NBPF9: variants seen among roughly 807,000 people sequenced by gnomAD.
NBPF9 encodes NBPF family member NBPF9.
In NBPF9, 91 loss-of-function variants were observed where a neutral mutation model predicts 97.8. The ratio of observed to expected loss-of-function variants is 0.93; its 90% CI spans 0.79 to 1.11. NBPF9 has a LOEUF of 1.11. Among genes scored for constraint, NBPF9 ranks in the 50% least tolerant of loss-of-function variants. The probability of loss-of-function intolerance (pLI) is 0.00; values close to 1 mark genes in which losing one functional copy is unlikely to be tolerated. For synonymous variants in NBPF9, 334 were observed against 359.5 expected (o/e 0.93, Z 0.80); for missense variants, 992 against 939.5 (o/e 1.06, Z -0.73).
chr1:149,069,924 C>A (rs1199953948), intron 16 of NBPF9, among the ~76,000 whole-genome samples: 1 of 127,478 alleles, frequency 7.8e-6, no homozygotes, highest in African/African-American at 3.1e-5. Context: ...AAAAAATCTC[C>A]AAAAATTGGT....
At chr1:149,065,991 C>T (rs2079019044) in intron 17 of NBPF9, 2 of 546,790 alleles carry the variant, frequency 3.7e-6, no homozygotes, top group South Asian at 2.1e-5. Flanking sequence ...TGACACAGGG[C>T]TTCAACTACT....
In NBPF9 at chr1:149,081,956, AG is replaced by A; in HGVS notation, c.175+8del. 6.4e-7 allele frequency: 1 copy of A among 1,552,880 alleles called. No individual in the cohort carries two copies. Among genetic ancestry groups the A allele is most frequent in the Non-Finnish European group, 8.8e-7 (1 of 1,135,406 alleles). On this transcript the variant is annotated splice_region_variant and intron_variant, in intron 7 of 29. Transcript: ENST00000584027. Reference sequence around the variant, plus strand: ...ATCACTTTCATGACGGTGAGCCTATAGATCTTACTGTATTTCTTCTGTCGGT... The same window carrying A: ...ATCACTTTCATGACGGTGAGCCTATAATCTTACTGTATTTCTTCTGTCGGT...
At chr1:149,073,388 A>G (rs1297609309) in intron 13 of NBPF9, among the ~76,000 whole-genome samples, 1 of 141,286 alleles carries the variant, frequency 7.1e-6, no homozygotes, top group Non-Finnish European at 1.5e-5. Flanking sequence ...ACATTGATTG[A>G]GTGAAAGAAT....
At chr1:149,053,280 A>G (rs201917079), downstream of NBPF9, among the ~76,000 whole-genome samples, 13 of 44,294 alleles carry the variant, frequency 2.9e-4, no homozygotes, top group African/African-American at 4.6e-4. Flanking sequence ...GAACAAATGA[A>G]TGAAGTAACT....
chr1:149,077,827 C>A (rs3977222), intron 10 of NBPF9, 56 bp downstream of exon 10: 1 of 1,596,392 alleles, frequency 6.3e-7, no homozygotes, highest in Non-Finnish European at 8.6e-7. Context: ...GGGTGTGCCT[C>A]CTAGACATCT....
intron 5 of NBPF9, among the ~76,000 whole-genome samples, chr1:149,082,858 C>T (rs1407305974): frequency 6.8e-6 from 1 of 148,098 alleles, no homozygotes; most frequent in Non-Finnish European, 1.5e-5. Context: ...AGGCTCACTG[C>T]AAGCTCTGCC....
chr1:149,101,166 C>T (rs2082122159), intron 3 of NBPF9, 96 bp downstream of exon 3: 1 of 151,682 alleles, frequency 6.6e-6, no homozygotes, highest in Non-Finnish European at 1.5e-5. Context: ...GCAGATGTCT[C>T]ACCCGAGCCT....
exon 4 of NBPF9, chr1:149,098,532 G>A: frequency 6.7e-7 from 1 of 1,501,964 alleles, no homozygotes; most frequent in Non-Finnish European, 8.9e-7. Flanking sequence ...ACCTCGGAGA[G>A]TCCACTGGAA....
chr1:149,090,557 A>G (rs1386663642), intron 5 of NBPF9, 196 bp downstream of exon 5: 1 of 525,210 alleles, frequency 1.9e-6, no homozygotes, highest in Non-Finnish European at 3.4e-6. Context: ...TAATGCAATA[A>G]AGAATGCCCA....
At chr1:149,103,311 C>G (rs2082275762) in exon 1 of NBPF9, 1 of 151,814 alleles carries the variant, frequency 6.6e-6, no homozygotes, top group South Asian at 2.1e-4. Flanking sequence ...CTCGGAAACG[C>G]TGGGTGGACT....
At chr1:149,077,825 C>T in intron 10 of NBPF9, 58 bp downstream of exon 10, 1 of 1,595,290 alleles carries the variant, frequency 6.3e-7, no homozygotes, top group South Asian at 1.1e-5. Context: ...GAGGGTGTGC[C>T]TCCTAGACAT....
intron 3 of NBPF9, among the ~76,000 whole-genome samples, chr1:149,100,628 T>C (rs1553663072): frequency 1.3e-5 from 2 of 152,018 alleles, no homozygotes; most frequent in East Asian, 3.9e-4. Context: ...AGCAGACACA[T>C]CCATGTAGTA....
intron 4 of NBPF9, among the ~76,000 whole-genome samples, chr1:149,097,531 G>A (rs1361991915): frequency 5.9e-5 from 9 of 152,198 alleles, no homozygotes; most frequent in Non-Finnish European, 1.2e-4. Flanking sequence ...CTGCAGGTGG[G>A]GGCCTCAGCC....
chr1:149,087,736 A>C (rs1350206886), intron 5 of NBPF9, among the ~76,000 whole-genome samples: 1 of 149,336 alleles, frequency 6.7e-6, no homozygotes, highest in Admixed American at 6.7e-5. Context: ...GACAAGGTTT[A>C]TCTCCCCACT....
At chr1:149,089,590 G>A (rs587655324) in intron 5 of NBPF9, among the ~76,000 whole-genome samples, 1 of 152,300 alleles carries the variant, frequency 6.6e-6, no homozygotes, top group East Asian at 1.9e-4. Flanking sequence ...GTGGGAAGGA[G>A]GAGGGGATGT....
Position 149,072,601 on chromosome 1 carries a change from C to G in NBPF9, c.1306+117G>C, listed in dbSNP as rs587659585. The G allele has an allele frequency of 7.6e-6, 11 of 1,444,110 alleles. No homozygotes were observed. The South Asian group carries it at 1.3e-4, about 17-fold the overall frequency. The allele number at this position is 1,444,110 out of a possible 1,614,324, so 89.5% of individuals were successfully genotyped here. A position where few individuals can be genotyped will look rare whatever the true frequency, so the allele number is the denominator to read the frequency against. On this transcript the variant is annotated intron_variant, in intron 14 of 29. Transcript: ENST00000584027. ...CAAGAAGTCCTTGTCATGTCATGGC[C>G]ACATAAGCTTAGTGGAAAAAAACAC...
exon 7 of NBPF9, chr1:149,082,094 T>C: frequency 1.9e-6 from 3 of 1,610,512 alleles, no homozygotes; most frequent in South Asian, 1.1e-5. Flanking sequence ...TCTAGAATGT[T>C]CATCTCTGCC....
At chr1:149,099,869 C>T (rs1274433522) in intron 3 of NBPF9, among the ~76,000 whole-genome samples, 13 of 150,672 alleles carry the variant, frequency 8.6e-5, no homozygotes, top group African/African-American at 3.2e-4. Context: ...GTAGACCCAG[C>T]TACTAAGGAA....
intron 5 of NBPF9, among the ~76,000 whole-genome samples, chr1:149,082,957 C>CTTTTTTTTTTGTTTTTTTT (rs2080629176): frequency 1.5e-5 from 1 of 66,470 alleles, no homozygotes. Flanking sequence ...TTTTTCTTTT[C>CTTTTTTTTTTGTTTTTTTT]TTTTTTTTTT....
Sources: gnomAD v4.1 joint callset for allele counts (sites outside exome capture counted in the v4.1 genomes callset) on GRCh38, gnomAD v4.1.1 for gene constraint, MANE v1.5 for transcripts, NCBI Gene and HGNC (gene_info 2026-07-23, HGNC 2026-07-21) for gene names.